The following MYO5C variants were observed in gnomAD, a reference collection of about 807,000 sequenced individuals.
The protein encoded by MYO5C is unconventional myosin-Vc.
Under a neutral mutation model 235.7 loss-of-function variants are expected in MYO5C, and 194 were observed. That is an observed-to-expected ratio of 0.82 (90% CI 0.73 to 0.93). MYO5C has a LOEUF of 0.93. Ranked by LOEUF, MYO5C falls within the 40% of genes least tolerant of loss-of-function variation. The probability of loss-of-function intolerance (pLI) is 0.00; values close to 1 mark genes in which losing one functional copy is unlikely to be tolerated. For synonymous variants in MYO5C, 707 were observed against 754.8 expected, an observed-to-expected ratio of 0.94 and a Z score of 1.04; for missense variants, 2,038 against 2,127.2, an observed-to-expected ratio of 0.96 and a Z score of 0.82.
rs144153061 is a variant in MYO5C, at chr15:52,198,140, C to G, written c.4821-1657G>C. On this transcript the variant is annotated intron_variant, in intron 38 of 40. Transcript: ENST00000261839. ...TTGAGGTCAGGAGTTCAAGACCAGC[C>G]TGGCCAACATGGCAAAACCCTGTCT... 2.8e-4 allele frequency among the ~76,000 whole-genome samples: 42 copies of G among 152,034 alleles called. No individual in the cohort carries two copies. In the East Asian group the frequency reaches 8.2e-3, roughly 30 times the overall value.
intron 25 of MYO5C, 102 bp downstream of exon 25, chr15:52,229,031 G>A (rs2035890877): frequency 7.4e-7 from 1 of 1,355,540 alleles, no homozygotes. Flanking sequence ...AGTTGCCTGT[G>A]GCCTTTACAC....
chr15:52,269,692 T>G, intron 8 of MYO5C, 61 bp downstream of exon 8: 3 of 1,209,950 alleles, frequency 2.5e-6, no homozygotes, highest in South Asian at 1.3e-5. Flanking sequence ...CGCCTGGCCT[T>G]AATTTTTTTT....
At position 52,247,599 on chromosome 15, in the gene MYO5C, G is replaced by A; in HGVS notation, c.1747-7C>T. On this transcript the variant is annotated splice_region_variant and splice_polypyrimidine_tract_variant and intron_variant, in intron 14 of 40. Transcript: ENST00000261839. ...AGTTGGCACAGAGATGAAACTGGAAGGAACAGAGAGGATCTCAATGTCCAA... is the reference window on the plus strand; with the variant it reads ...AGTTGGCACAGAGATGAAACTGGAAAGAACAGAGAGGATCTCAATGTCCAA... 6.2e-7 allele frequency: 1 copy of A among 1,613,608 alleles called. No individual in the cohort carries two copies. Among genetic ancestry groups the A allele is most frequent in the Non-Finnish European group, 8.5e-7 (1 of 1,179,816 alleles).
chr15:52,218,520 C>T lies in MYO5C; in HGVS notation c.3953G>A (p.Arg1318Lys). 6.2e-7 allele frequency: 1 copy of T among 1,613,998 alleles called. No homozygotes were observed. The highest frequency in any genetic ancestry group is 8.5e-7 in the Non-Finnish European group (1 of 1,179,902). ...TCACCAAGTTAGAAGACTTCTCACC[C>T]TGTTTTCCAAAGTGAGCCGGGATGC... ...QEASRLTLENRDLEEELDMKD... is the reference protein window; with the variant it reads ...QEASRLTLENKDLEEELDMKD... Residue 1318 changes from arginine to lysine, a missense_variant and splice_region_variant, in exon 32 of 41, where the codon AGG becomes AAG. Transcript: ENST00000261839.
chr15:52,284,369 A>T (rs1473873572), intron 1 of MYO5C, among the ~76,000 whole-genome samples: 3 of 152,192 alleles, frequency 2.0e-5, no homozygotes, highest in Non-Finnish European at 2.9e-5. Flanking sequence ...AGTCCCTTCA[A>T]ATCAAGTTCT....
chr15:52,197,004 A>T (rs2035068136), intron 38 of MYO5C, among the ~76,000 whole-genome samples: 1 of 152,194 alleles, frequency 6.6e-6, no homozygotes, highest in Non-Finnish European at 1.5e-5. Context: ...CTCTGGGCAC[A>T]ATGAGAGTGT....
intron 11 of MYO5C, among the ~76,000 whole-genome samples, chr15:52,255,704 A>T (rs1596198091): frequency 6.6e-6 from 1 of 152,236 alleles, no homozygotes; most frequent in Non-Finnish European, 1.5e-5. Context: ...CTGATTTAAG[A>T]GGTTGAAATT....
At chr15:52,236,896 C>T (rs910012389) in intron 22 of MYO5C, 1 of 152,202 alleles carries the variant, frequency 6.6e-6, no homozygotes, top group Non-Finnish European at 1.5e-5. Flanking sequence ...ATTTGGCTAA[C>T]GTATTTCATC....
intron 24 of MYO5C, among the ~76,000 whole-genome samples, chr15:52,231,156 A>G (rs183812496): frequency 1.5e-3 from 229 of 152,188 alleles, no homozygotes; most frequent in African/African-American, 5.3e-3. Flanking sequence ...AGAATCTTAG[A>G]CCCACAGCCT....
At position 52,205,159 on chromosome 15, in the gene MYO5C, CAGGG is replaced by C. The variant is rs777557413; in HGVS notation, c.4538-16_4538-13del. On this transcript the variant is annotated splice_polypyrimidine_tract_variant and intron_variant, in intron 37 of 40. Transcript: ENST00000261839. ...CAGCATTCCCGGAACTGCGGAGAGACAGGGAGGCTGTGCTGACACGCCAGGAGAC... is the reference window on the plus strand; with the variant it reads ...CAGCATTCCCGGAACTGCGGAGAGACAGGCTGTGCTGACACGCCAGGAGAC... 1 of 1,611,676 alleles carries C rather than the reference CAGGG, an allele frequency of 6.2e-7. No homozygotes were observed. The highest frequency in any genetic ancestry group is 8.5e-7 in the Non-Finnish European group (1 of 1,178,560).
intron 32 of MYO5C, among the ~76,000 whole-genome samples, chr15:52,215,627 C>G (rs1484863209): frequency 6.6e-6 from 1 of 152,158 alleles, no homozygotes; most frequent in Non-Finnish European, 1.5e-5. Context: ...GTACAGCTTC[C>G]TCCCTCCAAT....
chr15:52,285,372 T>C (rs1315115989), intron 1 of MYO5C, among the ~76,000 whole-genome samples: 6 of 137,128 alleles, frequency 4.4e-5, no homozygotes, highest in Middle Eastern at 3.6e-3. Flanking sequence ...CTGTCTCAAA[T>C]GAAAAAAAAA....
chr15:52,262,162 G>A (rs1448676417), intron 9 of MYO5C, among the ~76,000 whole-genome samples: 1 of 152,204 alleles, frequency 6.6e-6, no homozygotes, highest in East Asian at 1.9e-4. Context: ...CAAAGGGGCG[G>A]CAGCTTTTCA....
At chr15:52,245,579 C>T in intron 17 of MYO5C, 114 bp from the exon 18 acceptor site, 1 of 780,012 alleles carries the variant, frequency 1.3e-6, no homozygotes, top group Middle Eastern at 3.3e-4. Flanking sequence ...TGCAATCTGT[C>T]CTGAGGATAA....
rs1233139294 is a variant in MYO5C, at chr15:52,286,346, G to T, written c.28-3454C>A. On this transcript the variant is annotated intron_variant, in intron 1 of 40. Transcript: ENST00000261839. ...GGGTCAGCCCCCCGCCCGGCCAGCC[G>T]CCCCGTCCGGGAGGTGAGGGGCGCC... is the stretch of plus-strand genomic sequence containing the variant. 2.9e-3 allele frequency among the ~76,000 whole-genome samples: 438 copies of T among 149,066 alleles called. 1 individual carries two copies. Among genetic ancestry groups the T allele is most frequent in the Middle Eastern group, 8.1e-3 (2 of 248 alleles).
intron 35 of MYO5C, among the ~76,000 whole-genome samples, chr15:52,208,981 G>T (rs1205537119): frequency 6.6e-6 from 1 of 152,136 alleles, no homozygotes. Context: ...GAGCCCATAC[G>T]ATGGCTGTAG....
intron 1 of MYO5C, among the ~76,000 whole-genome samples, chr15:52,284,679 G>T (rs1207958675): frequency 1.3e-5 from 2 of 152,050 alleles, no homozygotes; most frequent in Admixed American, 6.6e-5. Flanking sequence ...ATTGATATAT[G>T]GCTTACTCAA....
In MYO5C at chr15:52,193,704, G is replaced by C; in HGVS notation, c.*198C>G. The stretch of plus-strand genomic sequence containing the variant: ...GTGAGACATGGCTTTTCCAAATACA[G>C]CTGGTGTGTGTGAATTCTTACAAAA... On this transcript the variant is annotated 3_prime_UTR_variant, in exon 41 of 41. Coordinates refer to ENST00000261839, the MANE Select transcript of MYO5C (RefSeq NM_018728.4). The C allele has an allele frequency of 1.7e-6, 1 of 572,516 alleles. No homozygotes were observed. Among genetic ancestry groups the C allele is most frequent in the Non-Finnish European group, 3.0e-6 (1 of 331,572 alleles). The allele number at this position is 572,516 out of a possible 1,614,324, so 35.5% of individuals were successfully genotyped here.
At chr15:52,199,019 G>A (rs947971696) in intron 38 of MYO5C, among the ~76,000 whole-genome samples, 5 of 151,956 alleles carry the variant, frequency 3.3e-5, no homozygotes, top group East Asian at 1.9e-4. Context: ...TCAGCCTGCC[G>A]AGTAGCTGGG....
Sources: gnomAD v4.1 joint callset for allele counts (sites outside exome capture counted in the v4.1 genomes callset) on GRCh38, gnomAD v4.1.1 for gene constraint, MANE v1.5 for transcripts, NCBI Gene and HGNC (gene_info 2026-07-23, HGNC 2026-07-21) for gene names.